The following POLR2F variants were observed in gnomAD, a reference collection of about 807,000 sequenced individuals.
POLR2F encodes DNA-directed RNA polymerases I, II, and III subunit RPABC2.
In POLR2F, 12 loss-of-function variants were observed where a neutral mutation model predicts 22.7. The ratio of observed to expected loss-of-function variants is 0.53; its 90% CI spans 0.34 to 0.86. The LOEUF is 0.86. Among genes scored for constraint, POLR2F ranks in the 40% least tolerant of loss-of-function variants. The probability of loss-of-function intolerance (pLI) is 0.02; values close to 1 mark genes in which losing one functional copy is unlikely to be tolerated. For synonymous variants in POLR2F, 57 were observed against 66.0 expected (o/e 0.86, Z 0.66); for missense variants, 126 against 171.5 (o/e 0.73, Z 1.48).
rs2084919088 is a variant in POLR2F, at chr22:38,016,746, G to T, written c.121-9123G>T. ...GCACGCACCGCGGGGGGAGGGGGCG[G>T]GAGGGGGCCGCCGTCAATGCCCGCA... On this transcript the variant is annotated intron_variant, in intron 1 of 2. Coordinates refer to the POLR2F transcript ENST00000333418. This position sits in a 1 kb window ranked among gnomAD's most constrained non-coding sequence, Gnocchi z 4.4. 6.6e-6 allele frequency among the ~76,000 whole-genome samples: 1 copy of T among 151,954 alleles called. No individual in the cohort carries two copies. Among genetic ancestry groups the T allele is most frequent in the Non-Finnish European group, 1.5e-5 (1 of 67,942 alleles).
intron 5 of POLR2F, among the ~76,000 whole-genome samples, chr22:38,038,924 C>G (rs533434121): frequency 6.6e-6 from 1 of 152,218 alleles, no homozygotes; most frequent in Admixed American, 6.5e-5. Context: ...CCAGGGTTCT[C>G]GGGGCCGGGG....
chr22:38,012,674 T>C (rs1189374894), intron 1 of POLR2F, among the ~76,000 whole-genome samples: 1 of 152,018 alleles, frequency 6.6e-6, no homozygotes, highest in Non-Finnish European at 1.5e-5. Context: ...GGTCTCCCCC[T>C]AACTGTTGAC....
downstream of POLR2F, among the ~76,000 whole-genome samples, chr22:38,029,223 T>C (rs1166863549): frequency 2.6e-5 from 4 of 152,120 alleles, no homozygotes; most frequent in South Asian, 2.1e-4. Flanking sequence ...AATCCCAGAA[T>C]AGGAGATGCA....
intron 1 of POLR2F, among the ~76,000 whole-genome samples, chr22:37,992,529 G>A (rs371341939): frequency 2.0e-5 from 3 of 152,120 alleles, no homozygotes; most frequent in African/African-American, 7.2e-5. Context: ...CGACTAGCTG[G>A]GATTACAAGT....
intron 5 of POLR2F, among the ~76,000 whole-genome samples, chr22:38,033,969 T>G (rs1055342963): frequency 6.6e-6 from 1 of 152,098 alleles, no homozygotes; most frequent in Non-Finnish European, 1.5e-5. Context: ...CAAGAGAGGT[T>G]GTGACCGCCG....
chr22:38,002,446 C>T (rs952755458), intron 1 of POLR2F, among the ~76,000 whole-genome samples: 16 of 152,150 alleles, frequency 1.1e-4, no homozygotes, highest in Admixed American at 9.2e-4. Flanking sequence ...GTGTCCAGGG[C>T]ACTGCAACCT....
chr22:38,027,634 T>C (rs555085842), downstream of POLR2F, among the ~76,000 whole-genome samples: 5 of 152,132 alleles, frequency 3.3e-5, no homozygotes, highest in Non-Finnish European at 7.4e-5. Context: ...ACAATCCTCA[T>C]TTGCTCCTGC....
intron 1 of POLR2F, among the ~76,000 whole-genome samples, chr22:38,004,128 A>G (rs1207623149): frequency 6.6e-6 from 1 of 152,006 alleles, no homozygotes; most frequent in Non-Finnish European, 1.5e-5. Flanking sequence ...AGCTTGGACT[A>G]CAGGAATGCA....
chr22:38,037,435 G>T (rs375018984), intron 5 of POLR2F, among the ~76,000 whole-genome samples: 63 of 122,000 alleles, frequency 5.2e-4, no homozygotes, highest in African/African-American at 2.3e-3. Flanking sequence ...CACCATGCTC[G>T]GCTATTTTTT....
chr22:37,961,260 G>A (rs144239119), intron 3 of POLR2F, among the ~76,000 whole-genome samples: 30 of 152,186 alleles, frequency 2.0e-4, no homozygotes, highest in African/African-American at 6.7e-4. Context: ...GTCTTGCTAT[G>A]TTGCCCAGGC....
chr22:38,036,422 A>G (rs1182072654), intron 5 of POLR2F, among the ~76,000 whole-genome samples: 1 of 151,424 alleles, frequency 6.6e-6, no homozygotes, highest in Non-Finnish European at 1.5e-5. Context: ...TCCACAGGCA[A>G]CTTTCCCCTT....
intron 3 of POLR2F, among the ~76,000 whole-genome samples, chr22:37,966,241 C>T (rs775989342): frequency 3.3e-5 from 5 of 152,068 alleles, no homozygotes; most frequent in Admixed American, 6.6e-5. Context: ...AACAACATGG[C>T]GCATCTAGGG....
rs1932599232 is a variant in POLR2F at position 37,986,953 on chromosome 22, G to T, written c.120+641G>T. 2.2e-6 allele frequency: 1 copy of T among 453,082 alleles called. No individual in the cohort carries two copies. Among genetic ancestry groups the T allele is most frequent in the Non-Finnish European group, 4.5e-6 (1 of 224,362 alleles). 28.1% of individuals were successfully genotyped at this position (453,082 alleles called of 1,614,324 possible). On this transcript the variant is annotated intron_variant, in intron 1 of 2. Transcript: ENST00000333418. The surrounding 1 kb of genome is among the most constrained non-coding windows in gnomAD (Gnocchi z 4.7). ...GGCCTCTGCCCCAGCAGGACAACAG[G>T]AGGGCCAGTGTCACCTTCTCCTCCT...
chr22:38,000,882 T>G (rs1308792970), intron 1 of POLR2F, among the ~76,000 whole-genome samples: 2 of 152,210 alleles, frequency 1.3e-5, no homozygotes, highest in Non-Finnish European at 2.9e-5. Context: ...CATTCATTAT[T>G]TTCATTCCAG....
downstream of POLR2F, chr22:37,973,593 G>C: frequency 6.2e-7 from 1 of 1,613,230 alleles, no homozygotes; most frequent in Non-Finnish European, 8.5e-7. Context: ...GCCGTGTAGA[G>C]GGGCCGCTGC....
intron 1 of POLR2F, among the ~76,000 whole-genome samples, chr22:38,001,249 G>T (rs1218598988): frequency 6.6e-6 from 1 of 152,190 alleles, no homozygotes; most frequent in Non-Finnish European, 1.5e-5. Context: ...GCTCAAGAAC[G>T]GTAACACATG....
intron 5 of POLR2F, chr22:38,040,971 T>G: frequency 6.3e-7 from 1 of 1,585,226 alleles, no homozygotes; most frequent in African/African-American, 1.3e-5. Flanking sequence ...AACAGTGACG[T>G]TGATCAAAGG....
At chr22:37,976,520 C>A (rs1198621076) in intron 4 of POLR2F, among the ~76,000 whole-genome samples, 1 of 152,184 alleles carries the variant, frequency 6.6e-6, no homozygotes, top group Non-Finnish European at 1.5e-5. Context: ...CCTCTGAAGG[C>A]AGAGCTCTGC....
chr22:37,968,223 CAGCAGGA>C lies in POLR2F; in HGVS notation c.*512_*518del. ...GGATCCCCTTTCAGGAGCAGTGCCCCAGCAGGAAGCGTGGGGGTGTGCTGATCTCCCA... is the reference window on the plus strand; with the variant it reads ...GGATCCCCTTTCAGGAGCAGTGCCCCAGCGTGGGGGTGTGCTGATCTCCCA... On this transcript the variant is annotated 3_prime_UTR_variant, in exon 5 of 5. Coordinates refer to ENST00000442738, the MANE Select transcript of POLR2F (RefSeq NM_021974.5). 1 of 985,508 alleles carries C rather than the reference CAGCAGGA, an allele frequency of 1.0e-6. No homozygotes were observed. Among genetic ancestry groups the C allele is most frequent in the Non-Finnish European group, 1.2e-6 (1 of 830,000 alleles). The allele number at this position is 985,508 out of a possible 1,614,324, so 61.0% of individuals were successfully genotyped here. A position where few individuals can be genotyped will look rare whatever the true frequency, so the allele number is the denominator to read the frequency against.
Sources: allele counts gnomAD v4.1 joint callset (sites outside exome capture counted in the v4.1 genomes callset), GRCh38; gene constraint gnomAD v4.1.1; non-coding constraint Gnocchi (gnomAD v3.1); transcripts MANE v1.5; gene names NCBI Gene and HGNC (gene_info 2026-07-23, HGNC 2026-07-21).